ERAP1: variants seen among roughly 807,000 people sequenced by gnomAD.
The protein encoded by ERAP1 is endoplasmic reticulum aminopeptidase 1.
A neutral mutation model predicts 103.7 loss-of-function variants in ERAP1; 86 were observed. That is an observed-to-expected ratio of 0.83 (90% CI 0.70 to 0.99). ERAP1 has a LOEUF of 0.99. Among genes scored for constraint, ERAP1 ranks in the 50% least tolerant of loss-of-function variants. The pLI is 0.00. For missense variants in ERAP1, 1,009 were observed against 1,128.4 expected (o/e 0.89, Z 1.52); for synonymous variants, 398 against 402.4 (o/e 0.99, Z 0.13).
the ERAP1 span, among the ~76,000 whole-genome samples, chr5:96,819,003 G>C: frequency 6.6e-6 from 1 of 151,918 alleles, no homozygotes; most frequent in Non-Finnish European, 1.5e-5. Flanking sequence ...TCAGCTCACT[G>C]CAACCTCCGC....
chr5:96,915,808 G>T, the ERAP1 span: 2 of 1,458,150 alleles, frequency 1.4e-6, no homozygotes, highest in South Asian at 2.5e-5. Flanking sequence ...CAAAATAAAT[G>T]TTCAAATTGT....
rs1270711039 is a variant in ERAP1, at chr5:96,794,935, T to C, written c.919+107A>G. 16 of 1,388,886 alleles carry C rather than the reference T, an allele frequency of 1.2e-5. No individual in the cohort carries two copies. In the East Asian group the frequency reaches 4.0e-4, roughly 35 times the overall value. 86.0% of individuals were successfully genotyped at this position (1,388,886 alleles called of 1,614,324 possible). On this transcript the variant is annotated intron_variant, in intron 5 of 18. Coordinates refer to ENST00000443439, the MANE Select transcript of ERAP1 (RefSeq NM_001040458.3). ...GGTTTGTCACTTGCTGGGGTTTTTGTGGCTTGAGGGGCTGCTGAGGCAACT... is the reference window on the plus strand; with the variant it reads ...GGTTTGTCACTTGCTGGGGTTTTTGCGGCTTGAGGGGCTGCTGAGGCAACT...
At position 96,793,900 on chromosome 5, in the gene ERAP1, G is replaced by T; in HGVS notation, c.977C>A (p.Thr326Lys). Residue 326 changes from threonine (T) to lysine (K), a missense_variant, in exon 6 of 19, where the codon ACA (threonine) becomes AAA (lysine). Thr to Lys is a moderately conservative substitution (Grantham distance 78). Around this residue, in one of 3 missense-constraint regions of ERAP1, gnomAD observed 392 missense variants for 455.2 expected, o/e 0.86. Transcript: ENST00000443439. ...AAACAACAGAGCAGATTCTCTATAT[G>T]TTGTCAGTCCCCAGTTTTCCATAGC... ...SGAMENWGLT[T>K]YRESALLFDA... The T allele has an allele frequency of 6.2e-7, 1 of 1,614,142 alleles. No individual in the cohort carries two copies. The highest frequency in any genetic ancestry group is 1.6e-4 in the Middle Eastern group (1 of 6,062).
At chr5:96,807,718 C>A in intron 1 of ERAP1, 142 bp downstream of exon 1, 1 of 524,122 alleles carries the variant, frequency 1.9e-6, no homozygotes, top group Non-Finnish European at 2.5e-6. Flanking sequence ...TCCCGCGCCC[C>A]GTCTCCCTCC....
the ERAP1 span, among the ~76,000 whole-genome samples, chr5:96,867,349 A>G: frequency 6.6e-6 from 1 of 152,112 alleles, no homozygotes; most frequent in South Asian, 2.1e-4. Flanking sequence ...TGGCTGCATA[A>G]CAAATTAACA....
chr5:96,820,685 T>G, the ERAP1 span, among the ~76,000 whole-genome samples: 1 of 152,220 alleles, frequency 6.6e-6, no homozygotes, highest in African/African-American at 2.4e-5. Flanking sequence ...CAAATGCTGA[T>G]TAGTTAGTTG....
At chr5:96,805,519 C>T (rs1390835289) in intron 1 of ERAP1, 1 of 152,194 alleles carries the variant, frequency 6.6e-6, no homozygotes, top group African/African-American at 2.4e-5. Flanking sequence ...TTGCTCCCTT[C>T]CCAAATGCAC....
the ERAP1 span, chr5:96,889,401 C>G: frequency 3.0e-5 from 41 of 1,352,264 alleles, no homozygotes; most frequent in Non-Finnish European, 2.4e-5. Flanking sequence ...TAAATGAGCA[C>G]TGAGGAATTC....
exon 20 of ERAP1, chr5:96,762,883 G>C (rs1768489176): frequency 1.5e-5 from 6 of 404,690 alleles, no homozygotes; most frequent in Non-Finnish European, 2.3e-5. Flanking sequence ...TTTCATACTA[G>C]CAGTAGAAGA....
At chr5:96,903,552 G>A in the ERAP1 span, 1 of 1,596,280 alleles carries the variant, frequency 6.3e-7, no homozygotes, top group Non-Finnish European at 8.5e-7. Context: ...ATGTGTTTCA[G>A]CTAGTTGGGT....
At chr5:96,923,706 AAAAGAAAAAG>A in the ERAP1 span, among the ~76,000 whole-genome samples, 4 of 151,882 alleles carry the variant, frequency 2.6e-5, no homozygotes, top group Admixed American at 1.3e-4. Flanking sequence ...AAAAAAAAAA[AAAAGAAAAAG>A]AAAGAAACTT....
the ERAP1 span, among the ~76,000 whole-genome samples, chr5:96,866,897 C>A: frequency 6.6e-6 from 1 of 152,212 alleles, no homozygotes; most frequent in African/African-American, 2.4e-5. Flanking sequence ...CAGGACCAAG[C>A]AACCAGCTAC....
At chr5:96,785,320 G>GA (rs972722517) in intron 13 of ERAP1, 104 of 200,966 alleles carry the variant, frequency 5.2e-4, no homozygotes, top group South Asian at 1.1e-3. Context: ...GTTTAGGAAA[G>GA]AAAAAAAAAT....
intron 3 of ERAP1, among the ~76,000 whole-genome samples, chr5:96,799,855 C>T (rs1296148920): frequency 1.3e-5 from 2 of 152,212 alleles, no homozygotes; most frequent in Non-Finnish European, 1.5e-5. Flanking sequence ...GTGATTTTTA[C>T]AGAGGATAGC....
At chr5:96,843,841 A>G in the ERAP1 span, among the ~76,000 whole-genome samples, 6 of 152,096 alleles carry the variant, frequency 3.9e-5, no homozygotes, top group African/African-American at 1.2e-4. Flanking sequence ...TTTTCTACTG[A>G]CCCTAAATTT....
chr5:96,843,354 C>T, the ERAP1 span, among the ~76,000 whole-genome samples: 1 of 152,076 alleles, frequency 6.6e-6, no homozygotes, highest in African/African-American at 2.4e-5. Context: ...AAGTTACACC[C>T]CATCCAAATG....
At chr5:96,824,935 G>A in the ERAP1 span, among the ~76,000 whole-genome samples, 1 of 152,168 alleles carries the variant, frequency 6.6e-6, no homozygotes, top group Non-Finnish European at 1.5e-5. Flanking sequence ...AGCTACTTGG[G>A]AGGCTGAGGT....
chr5:96,794,090 T>C, intron 5 of ERAP1, 133 bp from the exon 6 acceptor site: 7 of 828,060 alleles, frequency 8.5e-6, no homozygotes, highest in Non-Finnish European at 1.4e-5. Context: ...TGGAAGAACC[T>C]TTCACAATGG....
In ERAP1 at chr5:96,760,918, A is replaced by ACTAAAAAG. The variant is rs1372237495; in HGVS notation, c.*2274_*2281dup. 3 of 152,044 alleles carry ACTAAAAAG rather than the reference A, an allele frequency of 2.0e-5. No individual in the cohort carries two copies. The East Asian group carries it at 5.7e-4, about 29-fold the overall frequency. The allele number at this position is 152,044 out of a possible 1,614,324, so 9.4% of individuals were successfully genotyped here. ...ATAAATGTATAAAATATGAAAAAGT[A>ACTAAAAAG]CTAAAAAGCATTTTTCAGTACTTTT... On this transcript the variant is annotated 3_prime_UTR_variant, in exon 20 of 20. Coordinates refer to the ERAP1 transcript ENST00000296754.
Sources: gnomAD v4.1 joint callset for allele counts (sites outside exome capture counted in the v4.1 genomes callset) on GRCh38, gnomAD v4.1.1 for gene constraint, gnomAD v4.1.1 regional missense constraint, MANE v1.5 for transcripts, NCBI Gene and HGNC (gene_info 2026-07-23, HGNC 2026-07-21) for gene names.